Variants in TAFA2 observed in about 807,000 individuals in gnomAD.
The protein encoded by TAFA2 is chemokine-like protein TAFA-2.
Under a neutral mutation model 18.8 loss-of-function variants are expected in TAFA2, and 7 were observed. The ratio of observed to expected loss-of-function variants is 0.37; its 90% CI spans 0.21 to 0.70. TAFA2 has a LOEUF of 0.70. Among genes scored for constraint, TAFA2 ranks in the 30% least tolerant of loss-of-function variants. TAFA2 has a pLI of 0.53. For missense variants in TAFA2, 122 were observed against 158.1 expected (o/e 0.77, Z 1.23); for synonymous variants, 60 against 54.2 (o/e 1.11, Z -0.47).
chr12:61,821,947 T>G (rs1440246400), intron 2 of TAFA2, among the ~76,000 whole-genome samples: 1 of 152,096 alleles, frequency 6.6e-6, no homozygotes, highest in African/African-American at 2.4e-5. Flanking sequence ...AGCCCCACTT[T>G]TTAGATAATT....
rs35419865 is a variant in TAFA2, at chr12:61,997,167, A to ATGTGTGTGTG, written c.-1-129751_-1-129742dup. On this transcript the variant is annotated intron_variant, in intron 1 of 4. Coordinates refer to ENST00000416284, the MANE Select transcript of TAFA2 (RefSeq NM_178539.5). The stretch of plus-strand genomic sequence containing the variant: ...GATACATACTAGACTATATGTATAT[A>ATGTGTGTGTG]TGTGTGTGTGTGTGTGTGTGTGTGT... Among the ~76,000 whole-genome samples the ATGTGTGTGTG allele has an allele frequency of 7.2e-3, 1,050 of 145,566 alleles. 4 individuals carry two copies. Among genetic ancestry groups the ATGTGTGTGTG allele is most frequent in the Middle Eastern group, 0.026 (7 of 266 alleles).
intron 1 of TAFA2, among the ~76,000 whole-genome samples, chr12:62,104,295 T>C (rs1331733342): frequency 1.3e-5 from 2 of 150,062 alleles, no homozygotes; most frequent in African/African-American, 2.4e-5. Context: ...AAAAAGCTAA[T>C]GTAATGGTCT....
intron 1 of TAFA2, among the ~76,000 whole-genome samples, chr12:62,015,100 T>C (rs9669149): frequency 0.19 from 29,658 of 152,208 alleles, 3,150 homozygotes; most frequent in African/African-American, 0.27. Flanking sequence ...GAAAAGTTAC[T>C]ATGTCTCCAA....
At chr12:61,830,235 T>C (rs2121088916) in intron 2 of TAFA2, among the ~76,000 whole-genome samples, 1 of 150,166 alleles carries the variant, frequency 6.7e-6, no homozygotes, top group South Asian at 2.1e-4. Flanking sequence ...TATATATGTA[T>C]ATATAACATT....
chr12:61,852,134 A>C (rs149991733), intron 2 of TAFA2, among the ~76,000 whole-genome samples: 1 of 151,746 alleles, frequency 6.6e-6, no homozygotes, highest in Non-Finnish European at 1.5e-5. Flanking sequence ...TTGAACCCAG[A>C]AGCAGAGGTT....
At chr12:62,139,411 A>C (rs908395975) in intron 1 of TAFA2, among the ~76,000 whole-genome samples, 1 of 152,122 alleles carries the variant, frequency 6.6e-6, no homozygotes, top group African/African-American at 2.4e-5. Context: ...ATTACACCCC[A>C]GAGTGTCAAC....
chr12:61,796,259 A>G (rs1290469852), intron 2 of TAFA2, among the ~76,000 whole-genome samples: 3 of 152,192 alleles, frequency 2.0e-5, no homozygotes, highest in East Asian at 1.9e-4. Flanking sequence ...TTTTAACTCA[A>G]AACTGGAAAT....
chr12:61,871,917 C>G (rs1021370302), intron 1 of TAFA2, among the ~76,000 whole-genome samples: 7 of 151,996 alleles, frequency 4.6e-5, no homozygotes, highest in South Asian at 4.1e-4. Flanking sequence ...ACAGTGAAAC[C>G]CTGTCTCTAC....
At chr12:61,976,086 T>C (rs1022747649) in intron 1 of TAFA2, among the ~76,000 whole-genome samples, 19 of 151,804 alleles carry the variant, frequency 1.3e-4, no homozygotes, top group African/African-American at 4.1e-4. Flanking sequence ...CCAAACGATA[T>C]AATTACATAA....
At position 62,059,129 on chromosome 12, in the gene TAFA2, A is replaced by G. The variant is rs373426864; in HGVS notation, c.-2+132130T>C. On this transcript the variant is annotated intron_variant, in intron 1 of 4. Transcript: ENST00000416284. ...AAAAAAATAATAATAATATATATAT[A>G]TGTGTGTATATGTGTGTGTGTGTGT... Among the ~76,000 whole-genome samples the G allele has an allele frequency of 1.6e-3, 125 of 76,866 alleles. 1 individual carries two copies. The highest frequency in any genetic ancestry group is 5.1e-3 in the African/African-American group (97 of 19,030). The allele number at this position is 76,866 out of a possible 152,430, so 50.4% of individuals were successfully genotyped here. A position where few individuals can be genotyped will look rare whatever the true frequency, so the allele number is the denominator to read the frequency against.
chr12:61,938,302 A>G (rs1877858311), intron 1 of TAFA2, among the ~76,000 whole-genome samples: 1 of 150,952 alleles, frequency 6.6e-6, no homozygotes, highest in Non-Finnish European at 1.5e-5. Context: ...AAACCTCCTT[A>G]GAAAACAGTA....
intron 1 of TAFA2, among the ~76,000 whole-genome samples, chr12:62,239,956 C>T (rs2062854627): frequency 6.6e-6 from 1 of 151,960 alleles, no homozygotes. Context: ...AATAGTCAGC[C>T]AATGCTTCTC....
At chr12:62,047,737 G>C (rs969073949) in intron 1 of TAFA2, among the ~76,000 whole-genome samples, 6 of 152,024 alleles carry the variant, frequency 3.9e-5, no homozygotes, top group African/African-American at 1.4e-4. Context: ...ACCTAAGAAA[G>C]TTTTTTTAAA....
chr12:62,181,997 C>CCCA (rs1555196490), intron 1 of TAFA2, among the ~76,000 whole-genome samples: 2 of 150,098 alleles, frequency 1.3e-5, no homozygotes, highest in Admixed American at 1.3e-4. Flanking sequence ...CCATCCCCCC[C>CCCA]CCGCTACACA....
intron 4 of TAFA2, among the ~76,000 whole-genome samples, chr12:61,737,114 G>A (rs114715367): frequency 0.013 from 1,952 of 151,932 alleles, 56 homozygotes; most frequent in African/African-American, 0.045. Flanking sequence ...TGAGATAAAA[G>A]AGTTGTTATA....
chr12:61,847,765 T>C (rs1873466828), intron 2 of TAFA2, among the ~76,000 whole-genome samples: 1 of 152,236 alleles, frequency 6.6e-6, no homozygotes, highest in Non-Finnish European at 1.5e-5. Flanking sequence ...TAGAGCTGCG[T>C]GTCTTTGTCA....
At chr12:61,892,031 T>C (rs761580773) in intron 1 of TAFA2, among the ~76,000 whole-genome samples, 1 of 151,012 alleles carries the variant, frequency 6.6e-6, no homozygotes, top group Non-Finnish European at 1.5e-5. Context: ...GGGGAACATC[T>C]AGGATGCTCG....
intron 1 of TAFA2, among the ~76,000 whole-genome samples, chr12:62,053,932 A>G (rs1283441100): frequency 6.6e-6 from 1 of 152,212 alleles, no homozygotes; most frequent in Non-Finnish European, 1.5e-5. Context: ...GCCATTAGTA[A>G]TATGTTCATT....
chr12:62,181,995 C>CCCCG (rs1555196478), intron 1 of TAFA2, among the ~76,000 whole-genome samples: 3 of 149,356 alleles, frequency 2.0e-5, no homozygotes, highest in East Asian at 2.0e-4. Flanking sequence ...GTCCATCCCC[C>CCCCG]CCCCGCTACA....
Sources: gnomAD v4.1 joint callset for allele counts (sites outside exome capture counted in the v4.1 genomes callset) on GRCh38, gnomAD v4.1.1 for gene constraint, MANE v1.5 for transcripts, NCBI Gene and HGNC (gene_info 2026-07-23, HGNC 2026-07-21) for gene names.